Variants in CCNJ observed in about 807,000 individuals in gnomAD.
The protein encoded by CCNJ is cyclin J, also known as cyclin-J.
In CCNJ, 12 loss-of-function variants were observed where a neutral mutation model predicts 41.4. That is an observed-to-expected ratio of 0.29 (90% CI 0.19 to 0.47). The LOEUF is 0.47. Among genes scored for constraint, CCNJ ranks in the 20% least tolerant of loss-of-function variants. The pLI, the probability that CCNJ is intolerant of heterozygous loss-of-function variation, is 1.00. For synonymous variants in CCNJ, 161 were observed against 173.4 expected, an observed-to-expected ratio of 0.93 and a Z score of 0.56; for missense variants, 340 against 464.6, an observed-to-expected ratio of 0.73 and a Z score of 2.47.
At chr10:96,045,423 T>A (rs1212427873) in intron 2 of CCNJ, among the ~76,000 whole-genome samples, 2 of 152,236 alleles carry the variant, frequency 1.3e-5, no homozygotes, top group East Asian at 3.8e-4. Flanking sequence ...GATAATGAAC[T>A]TTTATCTTGA....
At chr10:96,050,156 A>C in intron 2 of CCNJ, 100 bp from the exon 3 acceptor site, 2 of 789,806 alleles carry the variant, frequency 2.5e-6, no homozygotes, top group Non-Finnish European at 4.3e-6. Flanking sequence ...TGTTTTAGGC[A>C]CTTGTAATAC....
intron 3 of CCNJ, among the ~76,000 whole-genome samples, chr10:96,052,272 C>A (rs1021781130): frequency 6.6e-6 from 1 of 152,168 alleles, no homozygotes; most frequent in Non-Finnish European, 1.5e-5. Context: ...AAAGCTCACA[C>A]GTGACAGTTT....
rs2080777171 is a variant in CCNJ, at chr10:96,059,688, A to G, written c.*1447A>G. ...TAAGATAGCACTTGAATAGAAGGGA[A>G]AACTGCATGGCAGATACGTGACTGC... On this transcript the variant is annotated 3_prime_UTR_variant, in exon 6 of 6. Coordinates refer to ENST00000465148, the MANE Select transcript of CCNJ (RefSeq NM_001134375.2). The G allele has an allele frequency of 6.6e-6, 1 of 152,622 alleles. No individual in the cohort carries two copies. Among genetic ancestry groups the G allele is most frequent in the South Asian group, 2.1e-4 (1 of 4,828 alleles). The allele number at this position is 152,622 out of a possible 1,614,324, so 9.5% of individuals were successfully genotyped here.
Position 96,045,426 on chromosome 10 carries a change from T to C in CCNJ, c.69+964T>C, listed in dbSNP as rs2142023965. ...AGATCCTGGAATGATAATGAACTTT[T>C]ATCTTGAGTTTCTGACCAGGTCAAG... On this transcript the variant is annotated intron_variant, in intron 2 of 5. Transcript: ENST00000465148. Among the ~76,000 whole-genome samples the C allele has an allele frequency of 3.3e-5, 5 of 152,356 alleles. 1 individual carries two copies. Among genetic ancestry groups the C allele is most frequent in the Admixed American group, 3.3e-4 (5 of 15,312 alleles).
intron 3 of CCNJ, among the ~76,000 whole-genome samples, chr10:96,055,624 G>A (rs2080661870): frequency 6.6e-6 from 1 of 152,198 alleles, no homozygotes; most frequent in Non-Finnish European, 1.5e-5. Flanking sequence ...GAAACATTCT[G>A]GGGCTGGAAA....
Position 96,043,608 on chromosome 10 carries a change from G to C in CCNJ, c.-153G>C. 2.5e-6 allele frequency: 1 copy of C among 395,338 alleles called. No individual in the cohort carries two copies. The highest frequency in any genetic ancestry group is 4.4e-5 in the Admixed American group (1 of 22,616). The allele number at this position is 395,338 out of a possible 1,614,324, so 24.5% of individuals were successfully genotyped here. On this transcript the variant is annotated 5_prime_UTR_variant, in exon 1 of 6. Transcript: ENST00000465148. ...AACAATGGGCGGCGCGAGCGTCCAG[G>C]CGCTGGGCTCTAGCTGAGGCCGGCG...
intron 2 of CCNJ, among the ~76,000 whole-genome samples, chr10:96,049,289 A>T (rs926009192): frequency 6.6e-6 from 1 of 151,948 alleles, no homozygotes; most frequent in South Asian, 2.1e-4. Context: ...CCATTTTTAT[A>T]ATTAGGTTTT....
chr10:96,057,023 A>C lies in CCNJ; in HGVS notation c.580+23A>C, dbSNP rs759884304. ...AAGGTGGGTTGTTGTGAATACCAGTAAGTGACTTGTGCACTTGTGACTCGT... is the reference window on the plus strand; with the variant it reads ...AAGGTGGGTTGTTGTGAATACCAGTCAGTGACTTGTGCACTTGTGACTCGT... On this transcript the variant is annotated intron_variant, in intron 4 of 5. Coordinates refer to ENST00000465148, the MANE Select transcript of CCNJ (RefSeq NM_001134375.2). 6.3e-5 allele frequency: 101 copies of C among 1,612,428 alleles called. No homozygotes were observed. In the Admixed American group the frequency reaches 1.6e-3, roughly 26 times the overall value.
chr10:96,060,312 T>C lies in CCNJ; in HGVS notation c.*2071T>C, dbSNP rs1249939798. Reference sequence around the variant, plus strand: ...TAACTTAATGTCTTGTCAAATACTTTTATTGATTGGTTTATATGCCATTCT... The same window carrying C: ...TAACTTAATGTCTTGTCAAATACTTCTATTGATTGGTTTATATGCCATTCT... On this transcript the variant is annotated 3_prime_UTR_variant, in exon 6 of 6. Coordinates refer to ENST00000465148, the MANE Select transcript of CCNJ (RefSeq NM_001134375.2). 1 of 152,634 alleles carries C rather than the reference T, an allele frequency of 6.6e-6. No homozygotes were observed. The allele number at this position is 152,634 out of a possible 1,614,324, so 9.5% of individuals were successfully genotyped here.
chr10:96,044,487 TCTC>T (rs760654494), intron 2 of CCNJ, 25 bp downstream of exon 2: 53 of 1,469,868 alleles, frequency 3.6e-5, no homozygotes, highest in Middle Eastern at 3.6e-4. Context: ...CGGCCTGCCT[TCTC>T]CTTCTGTGTG....
chr10:96,056,635 T>C lies in CCNJ; in HGVS notation c.281-66T>C, dbSNP rs1316531809. 3.4e-6 allele frequency: 4 copies of C among 1,193,924 alleles called. No individual in the cohort carries two copies. In the Admixed American group the frequency reaches 9.1e-5, roughly 27 times the overall value. 74.0% of individuals were successfully genotyped at this position (1,193,924 alleles called of 1,614,324 possible). On this transcript the variant is annotated intron_variant, in intron 3 of 5. Transcript: ENST00000465148. Reference sequence around the variant, plus strand: ...AATAAGACAGCAAATCCCATTTTACTGACTAGACCAATAATGATCACTTGC... The same window carrying C: ...AATAAGACAGCAAATCCCATTTTACCGACTAGACCAATAATGATCACTTGC...
chr10:96,045,291 C>T (rs2080331774), intron 2 of CCNJ, among the ~76,000 whole-genome samples: 1 of 152,174 alleles, frequency 6.6e-6, no homozygotes, highest in South Asian at 2.1e-4. Context: ...TGATCTCTAG[C>T]TTAACTCAGT....
At chr10:96,044,176 G>A (rs1353406975) in intron 1 of CCNJ, among the ~76,000 whole-genome samples, 177 bp from the exon 2 acceptor site, 1 of 152,244 alleles carries the variant, frequency 6.6e-6, no homozygotes, top group Non-Finnish European at 1.5e-5. Context: ...TCCTGCGGGG[G>A]CAGACCCGGC....
intron 2 of CCNJ, among the ~76,000 whole-genome samples, chr10:96,046,543 T>G (rs1456809138): frequency 1.3e-5 from 2 of 152,204 alleles, no homozygotes; most frequent in Non-Finnish European, 2.9e-5. Context: ...GTTAGAGCAA[T>G]AACAGTGAAC....
At chr10:96,045,524 C>T (rs1014561528) in intron 2 of CCNJ, among the ~76,000 whole-genome samples, 1 of 152,188 alleles carries the variant, frequency 6.6e-6, no homozygotes, top group African/African-American at 2.4e-5. Context: ...TGCTACTTAA[C>T]TAATTCTGAC....
rs74638406 is a variant in CCNJ at position 96,053,764 on chromosome 10, A to G, written c.281-2937A>G. ...CTTGCCAACCAACACTGGGTTAGCA[A>G]AGCTTTTTACTGATGTGTGAAAATT... On this transcript the variant is annotated intron_variant, in intron 3 of 5. Coordinates refer to ENST00000465148, the MANE Select transcript of CCNJ (RefSeq NM_001134375.2). Among the ~76,000 whole-genome samples, 807 of 152,316 alleles carry G rather than the reference A, an allele frequency of 5.3e-3. 6 individuals are homozygous for G. Among genetic ancestry groups the G allele is most frequent in the South Asian group, 0.013 (63 of 4,820 alleles).
In CCNJ at chr10:96,058,350, C is replaced by A; in HGVS notation, c.*109C>A. The A allele has an allele frequency of 1.2e-6, 1 of 861,406 alleles. No individual in the cohort carries two copies. 53.4% of individuals were successfully genotyped at this position (861,406 alleles called of 1,614,324 possible). On this transcript the variant is annotated 3_prime_UTR_variant, in exon 6 of 6. Transcript: ENST00000465148. ...GAAAGGGATCTAAATGACATCAGAA[C>A]TCTTCAGGTACCAGCACCAGGAAGA...
intron 1 of CCNJ, 81 bp downstream of exon 1, chr10:96,043,800 C>G: frequency 2.6e-6 from 1 of 384,720 alleles, no homozygotes; most frequent in Non-Finnish European, 4.6e-6. Flanking sequence ...GGGTGAGGCG[C>G]AGAGCCTGGC....
At chr10:96,043,890 G>A (rs550417969) in intron 1 of CCNJ, among the ~76,000 whole-genome samples, 171 bp downstream of exon 1, 99 of 152,316 alleles carry the variant, frequency 6.5e-4, no homozygotes, top group Non-Finnish European at 1.3e-3. Flanking sequence ...GCAGGCTCCC[G>A]ACGTCCATGC....
Sources: gnomAD v4.1 joint callset for allele counts (sites outside exome capture counted in the v4.1 genomes callset) on GRCh38, gnomAD v4.1.1 for gene constraint, MANE v1.5 for transcripts, NCBI Gene and HGNC (gene_info 2026-07-23, HGNC 2026-07-21) for gene names.